Variants in PSG1 observed in about 807,000 individuals in gnomAD.
PSG1 encodes pregnancy specific beta-1-glycoprotein 1.
A neutral mutation model predicts 41.4 loss-of-function variants in PSG1; 60 were observed. The ratio of observed to expected loss-of-function variants is 1.45; its 90% CI spans 1.18 to 1.80. The LOEUF (loss-of-function observed/expected upper bound fraction) is 1.80. PSG1 is among the 40% of genes most tolerant of loss of function. The pLI is 0.00. For synonymous variants in PSG1, 256 were observed against 192.9 expected (o/e 1.33, Z -2.71); for missense variants, 806 against 516.9 (o/e 1.56, Z -5.42).
In PSG1 at chr19:42,868,254, A is replaced by G. The variant is rs776625980; in HGVS notation, c.1090T>C (p.Tyr364His). 2 of 1,612,320 alleles carry G rather than the reference A, an allele frequency of 1.2e-6. No individual in the cohort carries two copies. Among genetic ancestry groups the G allele is most frequent in the Middle Eastern group, 1.7e-4 (1 of 6,058 alleles). Residue 364 changes from tyrosine (Y) to histidine (H), a missense_variant, in exon 5 of 6, where the codon TAT (tyrosine) becomes CAT (histidine). Transcript: ENST00000436291. ...CSADSNPPAQ[Y>H]SWTINEKFQL... is the part of the protein sequence containing the mutation. ...AACTTTTCATTAATTGTCCAAGAATACTGTGCCGGTGGGTTAGAGTCCGCA... is the reference window on the plus strand; with the variant it reads ...AACTTTTCATTAATTGTCCAAGAATGCTGTGCCGGTGGGTTAGAGTCCGCA...
intron 3 of PSG1, 33 bp from the exon 4 acceptor site, chr19:42,869,067 G>A (rs1971270392): frequency 1.3e-6 from 2 of 1,596,706 alleles, no homozygotes; most frequent in Non-Finnish European, 1.7e-6. Flanking sequence ...ATTGTCCTGT[G>A]TGGCACCTTT....
At chr19:42,878,386 C>T in intron 1 of PSG1, 108 bp from the exon 2 acceptor site, 1 of 1,402,334 alleles carries the variant, frequency 7.1e-7, no homozygotes, top group Non-Finnish European at 9.6e-7. Context: ...CTTGACAACA[C>T]AGACACACAC....
rs138337580 is a variant in PSG1 at position 42,872,713 on chromosome 19, A to G, written c.431-668T>C. Among the ~76,000 whole-genome samples, 268 of 151,732 alleles carry G rather than the reference A, an allele frequency of 1.8e-3. 7 individuals carry two copies. The highest frequency in any genetic ancestry group is 6.3e-3 in the African/African-American group (260 of 41,372). On this transcript the variant is annotated intron_variant, in intron 2 of 5. Coordinates refer to ENST00000436291, the MANE Select transcript of PSG1 (RefSeq NM_001184825.2). ...AGAGTCCAAGGAATGACCTACAAAG[A>G]GTGAAGGGGATAGGCAAGAGCTGAT...
In PSG1 at chr19:42,867,568, C is replaced by T; in HGVS notation, c.1244-418G>A. 5 of 644,790 alleles carry T rather than the reference C, an allele frequency of 7.8e-6. No homozygotes were observed. In the South Asian group the frequency reaches 9.3e-5, roughly 12 times the overall value. The allele number at this position is 644,790 out of a possible 1,614,324, so 39.9% of individuals were successfully genotyped here. On this transcript the variant is annotated intron_variant, in intron 5 of 5. Transcript: ENST00000436291. ...GCATTGGTAATATAACCAATGATTT[C>T]AAATGTGTCATGTTACAAAGAAAGC...
chr19:42,868,166 A>G lies in PSG1; in HGVS notation c.1178T>C (p.Val393Ala), dbSNP rs1058795. 160 of 1,612,424 alleles carry G rather than the reference A, an allele frequency of 9.9e-5. 3 individuals are homozygous for G. Among genetic ancestry groups the G allele is most frequent in the Middle Eastern group, 8.3e-4 (5 of 6,054 alleles). Residue 393 changes from valine (V) to alanine (A), a missense_variant, in exon 5 of 6, where the codon GTT (valine) becomes GCT (alanine). Val to Ala is a moderately conservative substitution (Grantham distance 64). Coordinates refer to ENST00000436291, the MANE Select transcript of PSG1 (RefSeq NM_001184825.2). ...AGTGGCTGAGTTACGAACAGAGCAA[A>G]CATAGAGCCCGCTATGCTTTGTAGT... is the stretch of plus-strand genomic sequence containing the variant. ...HITTKHSGLY[V>A]CSVRNSATGK...
rs2122506362 is a variant in PSG1, at chr19:42,870,372, T to G, written c.710-1338A>C. ...ATTAGTAGGCAAAAGTGGGAGGTGA[T>G]AAGCCAAAGATATTCTTGCCCTTTT... is the stretch of plus-strand genomic sequence containing the variant. On this transcript the variant is annotated intron_variant, in intron 3 of 5. Transcript: ENST00000436291. 1.3e-5 allele frequency: 2 copies of G among 151,820 alleles called. 1 individual carries two copies. The highest frequency in any genetic ancestry group is 6.8e-3 in the Middle Eastern group (2 of 294). 9.4% of individuals were successfully genotyped at this position (151,820 alleles called of 1,614,324 possible). A position where few individuals can be genotyped will look rare whatever the true frequency, so the allele number is the denominator to read the frequency against.
intron 3 of PSG1, 144 bp from the exon 4 acceptor site, chr19:42,869,178 G>A: frequency 2.7e-6 from 4 of 1,486,460 alleles, no homozygotes; most frequent in Non-Finnish European, 3.6e-6. Context: ...TCACAAGATA[G>A]ATGCATGATG....
chr19:42,877,425 C>T (rs1021729774), intron 2 of PSG1, among the ~76,000 whole-genome samples: 3 of 151,604 alleles, frequency 2.0e-5, no homozygotes, highest in African/African-American at 7.3e-5. Context: ...GCTGGTAAAT[C>T]CTTGGTCCCA....
Position 42,878,014 on chromosome 19 carries a change from T to G in PSG1, c.329A>C (p.Gln110Pro). 1.9e-6 allele frequency: 3 copies of G among 1,612,520 alleles called. No homozygotes were observed. Among genetic ancestry groups the G allele is most frequent in the Non-Finnish European group, 2.5e-6 (3 of 1,179,188 alleles). Reference protein sequence around the residue: ...TAYSNASLLIQNVTREDAGSY... With the variant: ...TAYSNASLLIPNVTREDAGSY... ...TCCTGCGTCCTCCCGGGTGACATTC[T>G]GGATCAGCAGGGATGCATTGGAATA... The change falls in exon 2 of 6, where the codon CAG becomes CCG. Residue 110 changes from glutamine to proline, a missense_variant. Physicochemically the swap from Gln to Pro is moderately conservative, Grantham distance 76. Transcript: ENST00000436291.
At chr19:42,868,080 A>G (rs2055939212) in intron 5 of PSG1, 21 bp downstream of exon 5, 8 of 1,612,202 alleles carry the variant, frequency 5.0e-6, no homozygotes, top group South Asian at 1.1e-5. Flanking sequence ...CCTATTGCCA[A>G]CGATGCTGGG....
rs1263622413 is a variant in PSG1, at chr19:42,870,958, C to T, written c.709+809G>A. On this transcript the variant is annotated intron_variant, in intron 3 of 5. Transcript: ENST00000436291. ...ATCTAGAAAGAGTGAAGGGGACAGG[C>T]AAAAGCTGGTGGTTTTGGAGTAGAA... 1.1e-4 allele frequency among the ~76,000 whole-genome samples: 17 copies of T among 151,652 alleles called. 1 individual carries two copies. In the East Asian group the frequency reaches 3.1e-3, roughly 28 times the overall value.
chr19:42,871,348 G>C (rs542884912), intron 3 of PSG1, among the ~76,000 whole-genome samples: 1 of 151,578 alleles, frequency 6.6e-6, no homozygotes, highest in Admixed American at 6.6e-5. Context: ...AAATGGTGGG[G>C]GCATCCAGGC....
In PSG1 at chr19:42,871,902, T is replaced by A. The variant is rs775202367; in HGVS notation, c.574A>T (p.Ser192Cys). 4 of 1,612,474 alleles carry A rather than the reference T, an allele frequency of 2.5e-6. No individual in the cohort carries two copies. The highest frequency in any genetic ancestry group is 1.7e-5 in the Admixed American group (1 of 59,908). The change falls in exon 3 of 6, where the codon AGC becomes TGC. Residue 192 changes from serine to cysteine, a missense_variant. Coordinates refer to ENST00000436291, the MANE Select transcript of PSG1 (RefSeq NM_001184825.2). ...CTGTTGGTTTCGGACAGCTTCAAGCTGTGAGTCATAGGGAGGCTCTGACCA... is the reference window on the plus strand; with the variant it reads ...CTGTTGGTTTCGGACAGCTTCAAGCAGTGAGTCATAGGGAGGCTCTGACCA... ...MNGQSLPMTH[S>C]LKLSETNRTL...
chr19:42,870,991 C>G (rs1186956937), intron 3 of PSG1, among the ~76,000 whole-genome samples: 2 of 151,502 alleles, frequency 1.3e-5, no homozygotes, highest in East Asian at 3.9e-4. Flanking sequence ...GAAACATATT[C>G]CCTGTCCTGG....
At chr19:42,877,241 T>A (rs1359635879) in intron 2 of PSG1, among the ~76,000 whole-genome samples, 1 of 151,576 alleles carries the variant, frequency 6.6e-6, no homozygotes, top group African/African-American at 2.4e-5. Context: ...ACATTAGTCT[T>A]TCTATGGACT....
chr19:42,871,985 G>A lies in PSG1; in HGVS notation c.491C>T (p.Ala164Val), dbSNP rs1600499830. The change falls in exon 3 of 6, where the codon GCT becomes GTT. Residue 164 changes from alanine (A) to valine (V), a missense_variant. Coordinates refer to ENST00000436291, the MANE Select transcript of PSG1 (RefSeq NM_001184825.2). ...CTCAGGGTCACAGGTTAAGCTCACA[G>A]CCTCCATGGTCTCCCTGGGATTTAA... ...SNLNPRETME[A>V]VSLTCDPETP... is the part of the protein sequence containing the mutation. 2 of 1,612,482 alleles carry A rather than the reference G, an allele frequency of 1.2e-6. No homozygotes were observed. Among genetic ancestry groups the A allele is most frequent in the Non-Finnish European group, 1.7e-6 (2 of 1,179,188 alleles).
At chr19:42,874,467 C>G (rs901229969) in intron 2 of PSG1, among the ~76,000 whole-genome samples, 1 of 151,668 alleles carries the variant, frequency 6.6e-6, no homozygotes, top group Non-Finnish European at 1.5e-5. Flanking sequence ...CTGCCTTGGC[C>G]TCCCAAGTAG....
chr19:42,878,935 T>G (rs1473966782), intron 1 of PSG1, among the ~76,000 whole-genome samples: 13 of 151,498 alleles, frequency 8.6e-5, no homozygotes, highest in South Asian at 2.1e-4. Flanking sequence ...TCCTGCCCTG[T>G]TTATATTTTT....
chr19:42,875,545 G>A (rs1486338344), intron 2 of PSG1, among the ~76,000 whole-genome samples: 1 of 151,454 alleles, frequency 6.6e-6, no homozygotes, highest in Non-Finnish European at 1.5e-5. Flanking sequence ...ATGACTAATG[G>A]CTCAGCCAGT....
Sources: allele counts gnomAD v4.1 joint callset (sites outside exome capture counted in the v4.1 genomes callset), GRCh38; gene constraint gnomAD v4.1.1; transcripts MANE v1.5; gene names NCBI Gene and HGNC (gene_info 2026-07-23, HGNC 2026-07-21).